PPP1R11: variants seen among roughly 807,000 people sequenced by gnomAD.
PPP1R11 encodes protein phosphatase 1 regulatory inhibitor subunit 11, also known as E3 ubiquitin-protein ligase PPP1R11.
PPP1R11 carries 10 observed loss-of-function variants against 11.3 expected under a neutral mutation model. The ratio of observed to expected loss-of-function variants is 0.88; its 90% CI spans 0.55 to 1.50. The LOEUF (loss-of-function observed/expected upper bound fraction) is 1.50. Among genes scored for constraint, PPP1R11 ranks in the 40% most tolerant of loss-of-function variants. The probability of loss-of-function intolerance (pLI) is 0.00; values close to 1 mark genes in which losing one functional copy is unlikely to be tolerated. For synonymous variants in PPP1R11, 56 were observed against 62.3 expected, an observed-to-expected ratio of 0.90 and a Z score of 0.48; for missense variants, 114 against 179.1, an observed-to-expected ratio of 0.64 and a Z score of 2.07.
At chr6:30,068,506 G>A (rs915581644) in intron 1 of PPP1R11, 84 bp from the exon 2 acceptor site, 16 of 1,120,498 alleles carry the variant, frequency 1.4e-5, no homozygotes, top group African/African-American at 7.8e-5. Flanking sequence ...AGCTAAAGAA[G>A]AAAAGAGAGG....
upstream of PPP1R11, chr6:30,066,987 G>T (rs1025164765): frequency 2.3e-5 from 4 of 175,818 alleles, no homozygotes; most frequent in South Asian, 4.9e-4. Flanking sequence ...CCATCTGGGC[G>T]CCCCTCCTGC....
the PPP1R11 span, chr6:30,061,687 A>C: frequency 1.9e-6 from 3 of 1,612,524 alleles, no homozygotes; most frequent in African/African-American, 4.0e-5. The surrounding 1 kb of genome is among the most constrained non-coding windows in gnomAD (Gnocchi z 5.0). Flanking sequence ...GCTTGTACGC[A>C]GGGGTCCTGG....
upstream of PPP1R11, among the ~76,000 whole-genome samples, chr6:30,062,693 G>A (rs746362792): frequency 4.7e-5 from 6 of 126,708 alleles, no homozygotes; most frequent in African/African-American, 1.8e-4. Context: ...TGGGACCACA[G>A]ACACATGCCA....
In PPP1R11 at chr6:30,069,462, C is replaced by G; in HGVS notation, c.*156C>G. ...CTGAAATTCTGACTTGCTGCTATTC[C>G]AGAACCCAGCCTCCTGGGTTTCCCC... On this transcript the variant is annotated 3_prime_UTR_variant, in exon 3 of 3. Coordinates refer to ENST00000376772, the MANE Select transcript of PPP1R11 (RefSeq NM_021959.3). This position sits in a 1 kb window ranked among gnomAD's most constrained non-coding sequence, Gnocchi z 6.6. 1 of 626,868 alleles carries G rather than the reference C, an allele frequency of 1.6e-6. No homozygotes were observed. Among genetic ancestry groups the G allele is most frequent in the Non-Finnish European group, 2.6e-6 (1 of 389,590 alleles). 38.8% of individuals were successfully genotyped at this position (626,868 alleles called of 1,614,324 possible).
chr6:30,062,327 A>T, upstream of PPP1R11: 1 of 1,607,192 alleles, frequency 6.2e-7, no homozygotes, highest in Non-Finnish European at 8.5e-7. Flanking sequence ...ACCTGTACCA[A>T]CTGCAAGTGA....
At chr6:30,063,215 T>C (rs1765257622), upstream of PPP1R11, among the ~76,000 whole-genome samples, 2 of 152,088 alleles carry the variant, frequency 1.3e-5, no homozygotes, top group South Asian at 4.1e-4. The surrounding 1 kb of genome is among the most constrained non-coding windows in gnomAD (Gnocchi z 4.1). Context: ...CTTTCCCCCA[T>C]GTTCTCAGTC....
chr6:30,067,638 T>C (rs1327728510), intron 1 of PPP1R11, 159 bp downstream of exon 1: 1 of 898,282 alleles, frequency 1.1e-6, no homozygotes. Flanking sequence ...ATTGGAGCTA[T>C]TTGGAGTGGC....
upstream of PPP1R11, chr6:30,064,564 T>C: frequency 1.0e-6 from 1 of 964,346 alleles, no homozygotes; most frequent in Non-Finnish European, 1.5e-6. Context: ...CAGTCCTCAA[T>C]GATGTCATAA....
chr6:30,064,745 A>C (rs8321), upstream of PPP1R11: 149,924 of 1,578,700 alleles, frequency 0.095, 9,280 homozygotes, highest in Non-Finnish European at 0.12. Context: ...TCGGAAGGTG[A>C]AGGATACTGG....
chr6:30,061,681 G>C, the PPP1R11 span: 103 of 1,612,826 alleles, frequency 6.4e-5, no homozygotes, highest in African/African-American at 1.2e-3. This position sits in a 1 kb window ranked among gnomAD's most constrained non-coding sequence, Gnocchi z 5.0. Flanking sequence ...TGAGAGGCTT[G>C]TACGCAGGGG....
At chr6:30,067,138 G>C (rs1053878131), upstream of PPP1R11, 4 of 438,488 alleles carry the variant, frequency 9.1e-6, no homozygotes, top group Non-Finnish European at 1.2e-5. Flanking sequence ...CTAATCCAGC[G>C]ACGCCTGCGC....
chr6:30,067,600 A>C (rs1438226426), intron 1 of PPP1R11, 121 bp downstream of exon 1: 1 of 1,248,668 alleles, frequency 8.0e-7, no homozygotes, highest in Non-Finnish European at 1.2e-6. Flanking sequence ...GTGGGGTTGA[A>C]TATCTAGGGC....
At chr6:30,062,107 A>G (rs1220290999), upstream of PPP1R11, 3 of 1,474,314 alleles carry the variant, frequency 2.0e-6, no homozygotes, top group Non-Finnish European at 9.5e-7. Context: ...TTTTGTGCCC[A>G]ATTCCAAGAG....
At position 30,068,634 on chromosome 6, in the gene PPP1R11, G is replaced by A; in HGVS notation, c.114G>A (p.Glu38=). The change falls in exon 2 of 3, where the codon GAG becomes GAA. Residue 38 remains glutamate, a synonymous_variant. Coordinates refer to ENST00000376772, the MANE Select transcript of PPP1R11 (RefSeq NM_021959.3). ...LTIKLRKRKP[E]KKVEWTSDTV... ...TCAAACTTCGGAAACGGAAGCCAGA[G>A]AAAAAGGTAGAATGGACAAGTGACA... 6.2e-7 allele frequency: 1 copy of A among 1,612,982 alleles called. No homozygotes were observed. Among genetic ancestry groups the A allele is most frequent in the South Asian group, 1.1e-5 (1 of 91,066 alleles).
chr6:30,064,415 CT>C (rs201951402), upstream of PPP1R11, among the ~76,000 whole-genome samples: 11 of 147,998 alleles, frequency 7.4e-5, no homozygotes, highest in East Asian at 1.9e-4. Context: ...TCAGCTTATC[CT>C]TTTTTTTTTC....
Position 30,069,468 on chromosome 6 carries a change from C to T in PPP1R11, c.*162C>T, listed in dbSNP as rs1480933236. ...TTCTGACTTGCTGCTATTCCAGAAC[C>T]CAGCCTCCTGGGTTTCCCCAGTCCT... On this transcript the variant is annotated 3_prime_UTR_variant, in exon 3 of 3. Coordinates refer to ENST00000376772, the MANE Select transcript of PPP1R11 (RefSeq NM_021959.3). This position sits in a 1 kb window ranked among gnomAD's most constrained non-coding sequence, Gnocchi z 6.6. 1 of 610,018 alleles carries T rather than the reference C, an allele frequency of 1.6e-6. No individual in the cohort carries two copies. Among genetic ancestry groups the T allele is most frequent in the Non-Finnish European group, 2.7e-6 (1 of 375,662 alleles). The allele number at this position is 610,018 out of a possible 1,614,324, so 37.8% of individuals were successfully genotyped here.
In PPP1R11 at chr6:30,067,237, A is replaced by C; in HGVS notation, c.-174A>C. On this transcript the variant is annotated 5_prime_UTR_variant, in exon 1 of 3. Transcript: ENST00000376772. Reference sequence around the variant, plus strand: ...CGGCGAGCCGGAAGTGGGGTTAGCCAGGTTATCCCCAGGGGTGGAGAAGCG... The same window carrying C: ...CGGCGAGCCGGAAGTGGGGTTAGCCCGGTTATCCCCAGGGGTGGAGAAGCG... The C allele has an allele frequency of 1.6e-6, 1 of 627,938 alleles. No homozygotes were observed. Among genetic ancestry groups the C allele is most frequent in the Non-Finnish European group, 2.7e-6 (1 of 363,742 alleles). The allele number at this position is 627,938 out of a possible 1,614,324, so 38.9% of individuals were successfully genotyped here.
At chr6:30,064,394 T>A (rs1765346633), upstream of PPP1R11, among the ~76,000 whole-genome samples, 1 of 152,030 alleles carries the variant, frequency 6.6e-6, no homozygotes, top group Non-Finnish European at 1.5e-5. Flanking sequence ...AGTTTTAAGT[T>A]TTTATAAGGT....
chr6:30,062,365 CTGTT>C (rs1561962566), upstream of PPP1R11: 1 of 1,443,664 alleles, frequency 6.9e-7, no homozygotes, highest in East Asian at 2.3e-5. Context: ...TCTGCTCAGT[CTGTT>C]TGCTAACTAA....
Sources: gnomAD v4.1 joint callset for allele counts (sites outside exome capture counted in the v4.1 genomes callset) on GRCh38, gnomAD v4.1.1 for gene constraint, Gnocchi (gnomAD v3.1) non-coding constraint, MANE v1.5 for transcripts, NCBI Gene and HGNC (gene_info 2026-07-23, HGNC 2026-07-21) for gene names.